The following ARHGEF3 variants were observed in gnomAD, a reference collection of about 807,000 sequenced individuals.
The protein encoded by ARHGEF3 is 59.8 kDA protein.
A neutral mutation model predicts 63.2 loss-of-function variants in ARHGEF3; 28 were observed. That is an observed-to-expected ratio of 0.44 (90% CI 0.33 to 0.61). ARHGEF3 has a LOEUF of 0.61. Among genes scored for constraint, ARHGEF3 ranks in the 20% least tolerant of loss-of-function variants. The pLI is 0.03. For synonymous variants in ARHGEF3, 266 were observed against 254.2 expected, an observed-to-expected ratio of 1.05 and a Z score of -0.44; for missense variants, 533 against 659.3, an observed-to-expected ratio of 0.81 and a Z score of 2.10.
intron 2 of ARHGEF3, chr3:56,960,468 C>T (rs890056792): frequency 6.6e-6 from 1 of 152,136 alleles, no homozygotes; most frequent in Non-Finnish European, 1.5e-5. Flanking sequence ...GGAAATAATA[C>T]CCTCTGTGTT....
intron 1 of ARHGEF3, among the ~76,000 whole-genome samples, chr3:57,045,103 C>T (rs540685770): frequency 6.6e-6 from 1 of 152,254 alleles, no homozygotes; most frequent in Middle Eastern, 3.4e-3. Flanking sequence ...CTCATCTCTA[C>T]TAAAAATACA....
chr3:57,042,863 G>GT (rs1385595062), intron 1 of ARHGEF3, among the ~76,000 whole-genome samples: 1 of 149,942 alleles, frequency 6.7e-6, no homozygotes, highest in African/African-American at 2.5e-5. Flanking sequence ...TGCTCAGCTA[G>GT]TTTTTTTGTA....
intron 3 of ARHGEF3, among the ~76,000 whole-genome samples, chr3:56,923,049 T>C (rs1448461651): frequency 1.5e-4 from 3 of 20,016 alleles, no homozygotes; most frequent in African/African-American, 2.5e-4. Context: ...TATATATATA[T>C]ATATATATAT....
intron 2 of ARHGEF3, among the ~76,000 whole-genome samples, chr3:56,768,742 T>A (rs2035852179): frequency 1.3e-5 from 2 of 151,698 alleles, no homozygotes; most frequent in African/African-American, 4.8e-5. Flanking sequence ...ACAGGAATAT[T>A]TAATCCTAAT....
At chr3:56,744,676 G>T (rs2034268550) in intron 7 of ARHGEF3, among the ~76,000 whole-genome samples, 1 of 151,958 alleles carries the variant, frequency 6.6e-6, no homozygotes, top group Non-Finnish European at 1.5e-5. Flanking sequence ...AAAGTGCTGG[G>T]ATTACAGGCA....
At chr3:56,812,653 TG>T (rs2038110749) in intron 4 of ARHGEF3, among the ~76,000 whole-genome samples, 1 of 152,230 alleles carries the variant, frequency 6.6e-6, no homozygotes, top group African/African-American at 2.4e-5. Context: ...TTTCTTGAGG[TG>T]GGCCCCAAGG....
intron 3 of ARHGEF3, among the ~76,000 whole-genome samples, chr3:56,932,616 T>C (rs1265345938): frequency 1.3e-5 from 2 of 152,176 alleles, no homozygotes; most frequent in Non-Finnish European, 2.9e-5. Flanking sequence ...CGTGCATAAG[T>C]CACATCTCTG....
intron 3 of ARHGEF3, among the ~76,000 whole-genome samples, chr3:56,921,779 T>C (rs554324478): frequency 2.0e-5 from 3 of 152,324 alleles, no homozygotes; most frequent in Non-Finnish European, 2.9e-5. Flanking sequence ...AACAAGATTA[T>C]AAAATGATGA....
At chr3:56,892,762 C>T (rs1286914850) in intron 3 of ARHGEF3, among the ~76,000 whole-genome samples, 1 of 152,192 alleles carries the variant, frequency 6.6e-6, no homozygotes, top group Non-Finnish European at 1.5e-5. Context: ...GTTTTTCGTT[C>T]ACTTGGCTCG....
intron 3 of ARHGEF3, among the ~76,000 whole-genome samples, chr3:56,958,620 T>C (rs73091594): frequency 0.12 from 17,545 of 152,130 alleles, 1,265 homozygotes; most frequent in East Asian, 0.25. Context: ...ACATGAGCTA[T>C]CACGCCTGGC....
intron 3 of ARHGEF3, among the ~76,000 whole-genome samples, chr3:56,926,979 G>A (rs1050963671): frequency 6.6e-6 from 1 of 152,222 alleles, no homozygotes; most frequent in Non-Finnish European, 1.5e-5. Flanking sequence ...GTCTGGAAAT[G>A]CCAAGCCAGC....
At chr3:57,007,228 G>C (rs1446421268) in intron 2 of ARHGEF3, 1 of 1,289,376 alleles carries the variant, frequency 7.8e-7, no homozygotes, top group Non-Finnish European at 1.0e-6. Flanking sequence ...AAGGTGGGGG[G>C]GTCAATAACA....
At chr3:57,030,358 G>C (rs910812552) in intron 2 of ARHGEF3, among the ~76,000 whole-genome samples, 1 of 152,104 alleles carries the variant, frequency 6.6e-6, no homozygotes, top group African/African-American at 2.4e-5. Context: ...GGAGATTTTT[G>C]TTTTGGAAAA....
chr3:56,960,090 C>CT (rs1448055821), intron 2 of ARHGEF3, among the ~76,000 whole-genome samples: 1 of 152,180 alleles, frequency 6.6e-6, no homozygotes, highest in African/African-American at 2.4e-5. Context: ...AGTGTACAGG[C>CT]TTTGTGGTAT....
intron 4 of ARHGEF3, among the ~76,000 whole-genome samples, chr3:56,847,426 T>C (rs1273312961): frequency 1.3e-5 from 2 of 152,168 alleles, no homozygotes; most frequent in Admixed American, 6.5e-5. Flanking sequence ...GCTTTCAAGG[T>C]GGAAGCAGCA....
intron 2 of ARHGEF3, among the ~76,000 whole-genome samples, chr3:57,004,004 C>T (rs13081509): frequency 0.14 from 22,006 of 152,236 alleles, 2,059 homozygotes; most frequent in Non-Finnish European, 0.2. Flanking sequence ...ACAGCAGCCA[C>T]TGGAAACTAC....
chr3:56,783,360 C>T (rs1445612233), intron 1 of ARHGEF3, among the ~76,000 whole-genome samples: 3 of 152,204 alleles, frequency 2.0e-5, no homozygotes, highest in Admixed American at 1.3e-4. Flanking sequence ...TGGGGGTAGG[C>T]GGCAAGCGAG....
intron 4 of ARHGEF3, among the ~76,000 whole-genome samples, chr3:56,829,548 C>T (rs1477795604): frequency 6.6e-6 from 1 of 152,164 alleles, no homozygotes; most frequent in Admixed American, 6.5e-5. Context: ...AATGCCCTTC[C>T]CAAGCCTCCC....
intron 4 of ARHGEF3, among the ~76,000 whole-genome samples, chr3:56,856,466 A>G (rs1252529442): frequency 6.6e-6 from 1 of 152,090 alleles, no homozygotes. Flanking sequence ...TCTTTCATTT[A>G]TGTTTTATTA....
Sources: allele counts gnomAD v4.1 joint callset (sites outside exome capture counted in the v4.1 genomes callset), GRCh38; gene constraint gnomAD v4.1.1; transcripts MANE v1.5; gene names NCBI Gene and HGNC (gene_info 2026-07-23, HGNC 2026-07-21).